The following RBFOX1 variants were observed in gnomAD, a reference collection of about 807,000 sequenced individuals.
RBFOX1 encodes RNA binding fox-1 homolog 1, also known as RNA binding protein fox-1 homolog 1.
Under a neutral mutation model 57.7 loss-of-function variants are expected in RBFOX1, and 8 were observed. The observed-to-expected ratio is 0.14, with a 90% confidence interval of 0.08 to 0.25. The LOEUF (loss-of-function observed/expected upper bound fraction) is 0.25, where lower values mean the gene tolerates loss of function less well. RBFOX1 is among the 10% of genes least tolerant of loss of function. The pLI, the probability that RBFOX1 is intolerant of heterozygous loss-of-function variation, is 1.00. For missense variants in RBFOX1, 611 were observed against 548.5 expected (o/e 1.11, Z -1.14); for synonymous variants, 326 against 222.4 (o/e 1.47, Z -4.15).
intron 2 of RBFOX1, among the ~76,000 whole-genome samples, chr16:6,491,073 T>G (rs2095621798): frequency 6.6e-6 from 1 of 152,134 alleles, no homozygotes; most frequent in Non-Finnish European, 1.5e-5. Flanking sequence ...TATCTATTAG[T>G]ATGCAGTACT....
chr16:6,489,906 A>T (rs1264397073), intron 2 of RBFOX1, among the ~76,000 whole-genome samples: 2 of 150,082 alleles, frequency 1.3e-5, no homozygotes, highest in Non-Finnish European at 3.0e-5. Context: ...CCCCTACTTA[A>T]TTGTCATGTT....
At chr16:6,436,950 A>G (rs2094252781) in intron 2 of RBFOX1, among the ~76,000 whole-genome samples, 1 of 152,202 alleles carries the variant, frequency 6.6e-6, no homozygotes, top group Non-Finnish European at 1.5e-5. Context: ...GACATACTTC[A>G]TCCCTTGCAG....
At chr16:7,455,810 A>G (rs530190109) in intron 4 of RBFOX1, among the ~76,000 whole-genome samples, 118 of 151,774 alleles carry the variant, frequency 7.8e-4, no homozygotes, top group African/African-American at 2.7e-3. Context: ...AAGAAAAAAA[A>G]GAAAAAAAAA....
chr16:5,920,881 C>T (rs549241269), intron 4 of RBFOX1, among the ~76,000 whole-genome samples: 9 of 124,998 alleles, frequency 7.2e-5, no homozygotes, highest in East Asian at 2.6e-4. Flanking sequence ...AGCACAGACA[C>T]TTCCTGCCCA....
intron 2 of RBFOX1, among the ~76,000 whole-genome samples, chr16:6,489,618 C>G (rs1304322970): frequency 1.3e-5 from 2 of 152,172 alleles, no homozygotes; most frequent in Non-Finnish European, 2.9e-5. Context: ...GAGGCACCAT[C>G]TTCACCCGAG....
chr16:6,019,355 C>T lies in RBFOX1; in HGVS notation c.-764C>T, dbSNP rs1454463973. On this transcript the variant is annotated 5_prime_UTR_variant, in exon 1 of 16. Transcript: ENST00000550418. This position sits in a 1 kb window ranked among gnomAD's most constrained non-coding sequence, Gnocchi z 4.2. The stretch of plus-strand genomic sequence containing the variant: ...TGCCGCCGCCTCCTCCAGCCAGAGT[C>T]GGTGGGACTGGCTGCGCTGCCCTGA... 3.0e-6 allele frequency: 3 copies of T among 985,296 alleles called. No homozygotes were observed. The highest frequency in any genetic ancestry group is 1.2e-4 in the East Asian group (1 of 8,688). The allele number at this position is 985,296 out of a possible 1,614,324, so 61.0% of individuals were successfully genotyped here. A position where few individuals can be genotyped will look rare whatever the true frequency, so the allele number is the denominator to read the frequency against.
chr16:6,906,042 A>G (rs1261580845), intron 3 of RBFOX1, among the ~76,000 whole-genome samples: 2 of 152,224 alleles, frequency 1.3e-5, no homozygotes, highest in Admixed American at 6.5e-5. Flanking sequence ...GCCCAGTAGA[A>G]TCAGGAACAG....
chr16:6,069,008 T>G (rs2095801869), intron 1 of RBFOX1, among the ~76,000 whole-genome samples: 1 of 151,544 alleles, frequency 6.6e-6, no homozygotes, highest in South Asian at 2.1e-4. Context: ...AATAAACATA[T>G]TTATAAAAAA....
chr16:6,776,175 G>T (rs187068663), intron 3 of RBFOX1, among the ~76,000 whole-genome samples: 35 of 152,318 alleles, frequency 2.3e-4, no homozygotes, highest in African/African-American at 8.4e-4. Flanking sequence ...ACTTTGGGAG[G>T]CCAGTGCAGA....
At chr16:5,962,335 G>C (rs17717574) in intron 4 of RBFOX1, among the ~76,000 whole-genome samples, 7,844 of 152,202 alleles carry the variant, frequency 0.052, 300 homozygotes, top group Non-Finnish European at 0.083. Context: ...ACTGCTATCA[G>C]GACAGTTTTC....
chr16:7,396,576 A>T (rs2098142389), intron 4 of RBFOX1, among the ~76,000 whole-genome samples: 1 of 152,170 alleles, frequency 6.6e-6, no homozygotes, highest in Non-Finnish European at 1.5e-5. Context: ...TCTGGACTTA[A>T]CGTTACTTTA....
At chr16:7,068,517 G>A (rs2056639792) in intron 4 of RBFOX1, among the ~76,000 whole-genome samples, 2 of 152,166 alleles carry the variant, frequency 1.3e-5, no homozygotes, top group Admixed American at 6.5e-5. Flanking sequence ...TTTAAGTCCA[G>A]CTGTTACAAA....
At chr16:5,860,076 A>C (rs2057172486) in intron 3 of RBFOX1, among the ~76,000 whole-genome samples, 1 of 152,090 alleles carries the variant, frequency 6.6e-6, no homozygotes, top group Non-Finnish European at 1.5e-5. Flanking sequence ...ACAGTAGTGG[A>C]CACTGTCAGC....
intron 1 of RBFOX1, among the ~76,000 whole-genome samples, chr16:5,373,926 ACCCAGTTTGAGATGGAG>A: frequency 6.8e-6 from 1 of 147,252 alleles, no homozygotes; most frequent in African/African-American, 2.5e-5. Context: ...TTTATATGTT[ACCCAGTTTGAGATGGAG>A]TCTTACTCTT....
At chr16:5,598,031 T>C (rs1160323331) in intron 2 of RBFOX1, among the ~76,000 whole-genome samples, 1 of 152,072 alleles carries the variant, frequency 6.6e-6, no homozygotes, top group African/African-American at 2.4e-5. Flanking sequence ...GTGTGGTGGC[T>C]CAGGCCGGTA....
At chr16:5,567,926 G>C (rs1245002771) in intron 2 of RBFOX1, among the ~76,000 whole-genome samples, 1 of 152,190 alleles carries the variant, frequency 6.6e-6, no homozygotes, top group East Asian at 1.9e-4. Context: ...TAAGTAACTG[G>C]CTCAAAATTG....
intron 2 of RBFOX1, among the ~76,000 whole-genome samples, chr16:6,381,599 C>T (rs916924169): frequency 6.6e-6 from 1 of 152,134 alleles, no homozygotes; most frequent in African/African-American, 2.4e-5. Context: ...TTGCCTTTAC[C>T]TATTGGATGT....
At chr16:7,246,644 T>C (rs1282975425) in intron 4 of RBFOX1, among the ~76,000 whole-genome samples, 2 of 150,336 alleles carry the variant, frequency 1.3e-5, no homozygotes, top group Non-Finnish European at 3.0e-5. Context: ...TTTTTTTTTT[T>C]TTTTTTTTTT....
intron 1 of RBFOX1, among the ~76,000 whole-genome samples, chr16:5,455,187 A>G (rs2068592970): frequency 6.6e-6 from 1 of 151,784 alleles, no homozygotes; most frequent in African/African-American, 2.4e-5. Flanking sequence ...GCCTCATCTG[A>G]AATGACTTGA....
Sources: allele counts gnomAD v4.1 joint callset (sites outside exome capture counted in the v4.1 genomes callset), GRCh38; gene constraint gnomAD v4.1.1; non-coding constraint Gnocchi (gnomAD v3.1); transcripts MANE v1.5; gene names NCBI Gene and HGNC (gene_info 2026-07-23, HGNC 2026-07-21).